The following CRTAM variants were observed in gnomAD, a reference collection of about 807,000 sequenced individuals.
CRTAM encodes cytotoxic and regulatory T-cell molecule.
In CRTAM, 44 loss-of-function variants were observed where a neutral mutation model predicts 50.0. The observed-to-expected ratio is 0.88, with a 90% CI of 0.69 to 1.13. The LOEUF (loss-of-function observed/expected upper bound fraction) is 1.13, where lower values mean the gene tolerates loss of function less well. Among genes scored for constraint, CRTAM ranks in the 50% most tolerant of loss-of-function variants. CRTAM has a pLI of 0.00. For missense variants in CRTAM, 448 were observed against 457.5 expected (o/e 0.98, Z 0.19); for synonymous variants, 159 against 169.3 (o/e 0.94, Z 0.47).
At chr11:122,864,816 C>T (rs967944169) in intron 7 of CRTAM, 97 bp downstream of exon 7, 12 of 848,530 alleles carry the variant, frequency 1.4e-5, no homozygotes, top group Non-Finnish European at 1.4e-5. Flanking sequence ...TTTTCTTGAC[C>T]TTTCTGCCCT....
chr11:122,839,900 T>C (rs1861778551), intron 1 of CRTAM, among the ~76,000 whole-genome samples: 1 of 152,216 alleles, frequency 6.6e-6, no homozygotes, highest in Admixed American at 6.5e-5. Context: ...ATTAATGCCT[T>C]CTTTTTTTGG....
At chr11:122,849,076 A>G (rs1262660868) in intron 1 of CRTAM, among the ~76,000 whole-genome samples, 1 of 152,210 alleles carries the variant, frequency 6.6e-6, no homozygotes, top group Non-Finnish European at 1.5e-5. Context: ...GAATTGAATG[A>G]AATCTTAGAA....
At chr11:122,845,847 GAC>G (rs1861856616) in intron 1 of CRTAM, among the ~76,000 whole-genome samples, 1 of 152,082 alleles carries the variant, frequency 6.6e-6, no homozygotes, top group South Asian at 2.1e-4. Flanking sequence ...TGATGAGAAT[GAC>G]AGTTTTTTTT....
chr11:122,871,105 GAATAT>G (rs930154641), intron 9 of CRTAM, among the ~76,000 whole-genome samples, 159 bp from the exon 10 acceptor site: 2 of 151,956 alleles, frequency 1.3e-5, no homozygotes, highest in Admixed American at 6.6e-5. Context: ...AAACAAAAAA[GAATAT>G]AATAATGCCT....
At chr11:122,850,303 A>C (rs1861915160) in intron 2 of CRTAM, 89 bp downstream of exon 2, 2 of 1,354,358 alleles carry the variant, frequency 1.5e-6, no homozygotes, top group East Asian at 4.7e-5. Context: ...GAAAGCCTGC[A>C]TGAGTCACCC....
At chr11:122,856,609 A>G (rs1862010968) in intron 5 of CRTAM, among the ~76,000 whole-genome samples, 1 of 152,252 alleles carries the variant, frequency 6.6e-6, no homozygotes, top group African/African-American at 2.4e-5. Flanking sequence ...GGAATTACTC[A>G]CATCAGTGAA....
chr11:122,862,405 C>G (rs1565292294), intron 5 of CRTAM, 59 bp from the exon 6 acceptor site: 2 of 1,041,250 alleles, frequency 1.9e-6, no homozygotes, highest in Non-Finnish European at 3.0e-6. Context: ...TTTTACTGAG[C>G]ACAATGTGGG....
chr11:122,847,002 G>A (rs769861526), intron 1 of CRTAM, among the ~76,000 whole-genome samples: 4 of 152,208 alleles, frequency 2.6e-5, no homozygotes, highest in Non-Finnish European at 5.9e-5. Context: ...TAAAGCAAGA[G>A]TCAGTTCAGC....
Position 122,864,623 on chromosome 11 carries a change from T to A in CRTAM, c.734-13T>A. 6.3e-7 allele frequency: 1 copy of A among 1,589,622 alleles called. No homozygotes were observed. The highest frequency in any genetic ancestry group is 8.6e-7 in the Non-Finnish European group (1 of 1,157,818). ...TGCATGCATAGCTCATGTTTTATCT[T>A]CTTTCACTTTAGTCTCAGTAACGGA... On this transcript the variant is annotated splice_polypyrimidine_tract_variant and intron_variant, in intron 6 of 9. Coordinates refer to ENST00000227348, the MANE Select transcript of CRTAM (RefSeq NM_019604.4).
intron 1 of CRTAM, among the ~76,000 whole-genome samples, chr11:122,849,593 G>T (rs181389847): frequency 6.6e-6 from 1 of 152,036 alleles, no homozygotes; most frequent in East Asian, 1.9e-4. Context: ...TTGGTGGTAC[G>T]TGTCTGTAAT....
chr11:122,855,830 T>C lies in CRTAM; in HGVS notation c.626T>C (p.Val209Ala), dbSNP rs898651844. The change falls in exon 5 of 10, where the codon GTA becomes GCA. Residue 209 changes from valine to alanine, a missense_variant. Coordinates refer to ENST00000227348, the MANE Select transcript of CRTAM (RefSeq NM_019604.4). ...AGAGGCCTGCAAGGGAGAAAACTAG[T>C]AGCACCCTTCCGGTTTGAAGATTTG... ...RHRGLQGRKL[V>A]APFRFEDLVT... The C allele has an allele frequency of 1.2e-6, 2 of 1,613,376 alleles. No individual in the cohort carries two copies. The highest frequency in any genetic ancestry group is 8.5e-7 in the Non-Finnish European group (1 of 1,179,832).
At chr11:122,858,087 A>T (rs1862027873) in intron 5 of CRTAM, among the ~76,000 whole-genome samples, 1 of 151,704 alleles carries the variant, frequency 6.6e-6, no homozygotes, top group Admixed American at 6.6e-5. Flanking sequence ...TAATTTTTAA[A>T]TTTTTGCTGA....
chr11:122,851,552 T>G, intron 2 of CRTAM, 141 bp from the exon 3 acceptor site: 27 of 735,598 alleles, frequency 3.7e-5, no homozygotes, highest in Non-Finnish European at 5.7e-5. Context: ...TACCTTCCCG[T>G]GGAGATAGGA....
At chr11:122,855,485 G>A (rs1861993382) in intron 4 of CRTAM, among the ~76,000 whole-genome samples, 1 of 151,850 alleles carries the variant, frequency 6.6e-6, no homozygotes, top group Admixed American at 6.6e-5. Context: ...TTTTTTTCCA[G>A]TAGTGAAAAG....
At chr11:122,859,984 A>G (rs1160827539) in intron 5 of CRTAM, among the ~76,000 whole-genome samples, 3 of 152,226 alleles carry the variant, frequency 2.0e-5, no homozygotes, top group East Asian at 1.9e-4. Context: ...GAGGTTGTCA[A>G]ACTCACAGTG....
chr11:122,865,907 T>C (rs1255882872), intron 7 of CRTAM, among the ~76,000 whole-genome samples: 2 of 152,212 alleles, frequency 1.3e-5, no homozygotes, highest in Non-Finnish European at 2.9e-5. Flanking sequence ...GAGTCTTGTC[T>C]TTCAGGTATT....
intron 5 of CRTAM, among the ~76,000 whole-genome samples, chr11:122,859,269 T>C (rs1862041904): frequency 6.6e-6 from 1 of 152,004 alleles, no homozygotes; most frequent in Non-Finnish European, 1.5e-5. Flanking sequence ...CTACCACACC[T>C]GGCTAATTTT....
At chr11:122,839,029 C>T (rs908475707) in intron 1 of CRTAM, among the ~76,000 whole-genome samples, 41 of 152,226 alleles carry the variant, frequency 2.7e-4, no homozygotes, top group African/African-American at 7.2e-4. Flanking sequence ...CCCGGGTTCA[C>T]GCCTTTCTCC....
intron 1 of CRTAM, 110 bp downstream of exon 1, chr11:122,838,702 C>G (rs1703333279): frequency 2.1e-6 from 2 of 943,038 alleles, no homozygotes; most frequent in African/African-American, 3.2e-5. Context: ...AGAAGACAAC[C>G]CAGGTAACTG....
Sources: gnomAD v4.1 joint callset for allele counts (sites outside exome capture counted in the v4.1 genomes callset) on GRCh38, gnomAD v4.1.1 for gene constraint, MANE v1.5 for transcripts, NCBI Gene and HGNC (gene_info 2026-07-23, HGNC 2026-07-21) for gene names.